The following CCDC85C variants were observed in gnomAD, a reference collection of about 807,000 sequenced individuals.
CCDC85C encodes the protein coiled-coil domain-containing protein 85C.
In CCDC85C, 18 loss-of-function variants were observed where a neutral mutation model predicts 38.3. The observed-to-expected ratio is 0.47, with a 90% CI of 0.33 to 0.70. The LOEUF is 0.70. Among genes scored for constraint, CCDC85C ranks in the 30% least tolerant of loss-of-function variants. The pLI, the probability that CCDC85C is intolerant of heterozygous loss-of-function variation, is 0.03. For missense variants in CCDC85C, 566 were observed against 621.2 expected (o/e 0.91, Z 0.94); for synonymous variants, 264 against 293.8 (o/e 0.90, Z 1.04).
chr14:99,550,047 C>A (rs1387511816), intron 1 of CCDC85C, among the ~76,000 whole-genome samples: 1 of 152,182 alleles, frequency 6.6e-6, no homozygotes, highest in Non-Finnish European at 1.5e-5. Context: ...TCAGTTTCCC[C>A]AAATGACAAC....
At chr14:99,518,233 A>C (rs1897254791) in intron 3 of CCDC85C, among the ~76,000 whole-genome samples, 1 of 152,024 alleles carries the variant, frequency 6.6e-6, no homozygotes, top group South Asian at 2.1e-4. Context: ...CCTGGCAGCC[A>C]ACCCCTGGTG....
chr14:99,503,847 T>A lies in CCDC85C; in HGVS notation c.*11399A>T. 1.7e-6 allele frequency: 1 copy of A among 573,024 alleles called. No homozygotes were observed. Among genetic ancestry groups the A allele is most frequent in the Non-Finnish European group, 3.1e-6 (1 of 322,748 alleles). The allele number at this position is 573,024 out of a possible 1,614,324, so 35.5% of individuals were successfully genotyped here. Reference sequence around the variant, plus strand: ...AATTGTGCTCTTACGAAGCTATCAGTACAGAAAACATTACTGGCAATAAAA... The same window carrying A: ...AATTGTGCTCTTACGAAGCTATCAGAACAGAAAACATTACTGGCAATAAAA... On this transcript the variant is annotated 3_prime_UTR_variant, in exon 6 of 6. Transcript: ENST00000380243.
chr14:99,574,260 G>A (rs960138069), intron 1 of CCDC85C, among the ~76,000 whole-genome samples: 28 of 151,914 alleles, frequency 1.8e-4, no homozygotes, highest in African/African-American at 6.8e-4. Context: ...CACCAGGGAA[G>A]CTCAACAAAG....
chr14:99,529,187 C>T (rs1052464318), intron 2 of CCDC85C, among the ~76,000 whole-genome samples: 1 of 152,070 alleles, frequency 6.6e-6, no homozygotes, highest in Non-Finnish European at 1.5e-5. Context: ...TCATTTCACA[C>T]CCGAAATCCC....
At chr14:99,561,144 C>G (rs543127407) in intron 1 of CCDC85C, among the ~76,000 whole-genome samples, 2 of 152,222 alleles carry the variant, frequency 1.3e-5, no homozygotes, top group Admixed American at 1.3e-4. Context: ...TGCTGCCACA[C>G]GCCTCCAGGG....
chr14:99,551,590 TGA>T (rs1477923308), intron 1 of CCDC85C, among the ~76,000 whole-genome samples: 2 of 117,806 alleles, frequency 1.7e-5, no homozygotes, highest in Non-Finnish European at 3.5e-5. Flanking sequence ...AGCAGGTGGG[TGA>T]GAGGTGAGTG....
At chr14:99,531,143 C>T (rs1043837015) in intron 2 of CCDC85C, among the ~76,000 whole-genome samples, 6 of 151,860 alleles carry the variant, frequency 4.0e-5, no homozygotes, top group African/African-American at 9.7e-5. Flanking sequence ...GTGGGCACAG[C>T]GTGGGGGAAG....
chr14:99,506,746 A>T lies in CCDC85C; in HGVS notation c.*8500T>A. 1 of 337,158 alleles carries T rather than the reference A, an allele frequency of 3.0e-6. No individual in the cohort carries two copies. The highest frequency in any genetic ancestry group is 5.7e-6 in the Non-Finnish European group (1 of 174,290). 20.9% of individuals were successfully genotyped at this position (337,158 alleles called of 1,614,324 possible). A position where few individuals can be genotyped will look rare whatever the true frequency, so the allele number is the denominator to read the frequency against. ...CTCTGTACCAGGGAGGACTCCAGAT[A>T]GGTCATACATGCTCATGAAGACGTT... On this transcript the variant is annotated 3_prime_UTR_variant, in exon 6 of 6. Coordinates refer to ENST00000380243, the MANE Select transcript of CCDC85C (RefSeq NM_001144995.2).
intron 1 of CCDC85C, among the ~76,000 whole-genome samples, chr14:99,549,941 G>T (rs1329916939): frequency 6.6e-6 from 1 of 152,208 alleles, no homozygotes; most frequent in Non-Finnish European, 1.5e-5. Context: ...CGTGAGGGCT[G>T]CTGCGATCTC....
rs903413896 is a variant in CCDC85C at position 99,545,927 on chromosome 14, G to C, written c.794-9839C>G. On this transcript the variant is annotated intron_variant, in intron 1 of 5. Coordinates refer to ENST00000380243, the MANE Select transcript of CCDC85C (RefSeq NM_001144995.2). The surrounding 1 kb of genome is among the most constrained non-coding windows in gnomAD (Gnocchi z 4.7). Reference sequence around the variant, plus strand: ...CACTGTTCCAATCATCCAACTCCCAGCCTCCAACTCCGAGGGACCCTTTAC... The same window carrying C: ...CACTGTTCCAATCATCCAACTCCCACCCTCCAACTCCGAGGGACCCTTTAC... Among the ~76,000 whole-genome samples the C allele has an allele frequency of 2.6e-5, 4 of 151,994 alleles. No homozygotes were observed. Among genetic ancestry groups the C allele is most frequent in the African/African-American group, 9.7e-5 (4 of 41,384 alleles).
At chr14:99,594,454 G>A (rs765134947) in intron 1 of CCDC85C, among the ~76,000 whole-genome samples, 1 of 152,210 alleles carries the variant, frequency 6.6e-6, no homozygotes, top group Non-Finnish European at 1.5e-5. Flanking sequence ...AGGCCCCACA[G>A]TGGGACCCAT....
At position 99,505,120 on chromosome 14, in the gene CCDC85C, C is replaced by G. The variant is rs920253564; in HGVS notation, c.*10126G>C. The G allele has an allele frequency of 6.6e-6, 1 of 152,268 alleles. No individual in the cohort carries two copies. The highest frequency in any genetic ancestry group is 1.5e-5 in the Non-Finnish European group (1 of 68,114). 9.4% of individuals were successfully genotyped at this position (152,268 alleles called of 1,614,324 possible). On this transcript the variant is annotated 3_prime_UTR_variant, in exon 6 of 6. Coordinates refer to ENST00000380243, the MANE Select transcript of CCDC85C (RefSeq NM_001144995.2). ...GTGAGTTTGGCAGAGGCAAGGGAAGCCATTGGAGATTTAGCAGGGGAATGG... is the reference window on the plus strand; with the variant it reads ...GTGAGTTTGGCAGAGGCAAGGGAAGGCATTGGAGATTTAGCAGGGGAATGG...
chr14:99,522,439 C>T (rs1376402727), intron 2 of CCDC85C, 199 bp from the exon 3 acceptor site: 9 of 515,904 alleles, frequency 1.7e-5, no homozygotes, highest in East Asian at 6.4e-5. Context: ...CAAATGTCAG[C>T]GATCCACTCT....
At chr14:99,522,339 G>A in intron 2 of CCDC85C, 99 bp from the exon 3 acceptor site, 2 of 870,200 alleles carry the variant, frequency 2.3e-6, no homozygotes, top group Non-Finnish European at 3.5e-6. Flanking sequence ...CTGCTCAAAG[G>A]CACGGCCCCG....
chr14:99,539,141 A>G (rs1435227415), intron 1 of CCDC85C, among the ~76,000 whole-genome samples: 1 of 152,244 alleles, frequency 6.6e-6, no homozygotes, highest in Non-Finnish European at 1.5e-5. Context: ...AAAATATTTT[A>G]GACCATCCAG....
intron 1 of CCDC85C, among the ~76,000 whole-genome samples, chr14:99,597,713 T>C (rs1400337230): frequency 6.6e-6 from 1 of 152,140 alleles, no homozygotes; most frequent in East Asian, 1.9e-4. Flanking sequence ...AATGCCATGC[T>C]CCAGACCCCA....
At chr14:99,554,460 C>T (rs1388641924) in intron 1 of CCDC85C, among the ~76,000 whole-genome samples, 1 of 152,248 alleles carries the variant, frequency 6.6e-6, no homozygotes, top group Admixed American at 6.5e-5. Context: ...GTGTCTGGCA[C>T]AGCGTGATCT....
In CCDC85C at chr14:99,503,977, C is replaced by A; in HGVS notation, c.*11269G>T. On this transcript the variant is annotated 3_prime_UTR_variant, in exon 6 of 6. Coordinates refer to ENST00000380243, the MANE Select transcript of CCDC85C (RefSeq NM_001144995.2). Reference sequence around the variant, plus strand: ...TACCCCCATCACAGCAGCAGGAGTCCTCTCCCAAGCACCAAGCCACAGCAG... The same window carrying A: ...TACCCCCATCACAGCAGCAGGAGTCATCTCCCAAGCACCAAGCCACAGCAG... The A allele has an allele frequency of 2.8e-6, 1 of 357,484 alleles. No homozygotes were observed. 22.1% of individuals were successfully genotyped at this position (357,484 alleles called of 1,614,324 possible). A position where few individuals can be genotyped will look rare whatever the true frequency, so the allele number is the denominator to read the frequency against.
Position 99,503,636 on chromosome 14 carries a change from A to G in CCDC85C, c.*11610T>C. On this transcript the variant is annotated 3_prime_UTR_variant, in exon 6 of 6. Coordinates refer to ENST00000380243, the MANE Select transcript of CCDC85C (RefSeq NM_001144995.2). ...GTTGTTTCTCCCAAAGAAGAGAACAAAGCAGCAGGTAATTTCCTGTTCTGA... is the reference window on the plus strand; with the variant it reads ...GTTGTTTCTCCCAAAGAAGAGAACAGAGCAGCAGGTAATTTCCTGTTCTGA... 2 of 1,560,208 alleles carry G rather than the reference A, an allele frequency of 1.3e-6. No homozygotes were observed. Among genetic ancestry groups the G allele is most frequent in the Non-Finnish European group, 1.7e-6 (2 of 1,150,054 alleles).
Sources: allele counts gnomAD v4.1 joint callset (sites outside exome capture counted in the v4.1 genomes callset), GRCh38; gene constraint gnomAD v4.1.1; non-coding constraint Gnocchi (gnomAD v3.1); transcripts MANE v1.5; gene names NCBI Gene and HGNC (gene_info 2026-07-23, HGNC 2026-07-21).